PRC1: variants seen among roughly 807,000 people sequenced by gnomAD.
PRC1 encodes anaphase spindle elongation 1 homolog.
In PRC1, 54 loss-of-function variants were observed where a neutral mutation model predicts 91.2. The observed-to-expected ratio is 0.59, with a 90% CI of 0.48 to 0.74. PRC1 has a LOEUF of 0.74. Among genes scored for constraint, PRC1 ranks in the 30% least tolerant of loss-of-function variants. The pLI, the probability that PRC1 is intolerant of heterozygous loss-of-function variation, is 0.00. For synonymous variants in PRC1, 275 were observed against 263.6 expected (o/e 1.04, Z -0.42); for missense variants, 727 against 746.2 (o/e 0.97, Z 0.30).
Position 90,987,071 on chromosome 15 carries a change from T to C in PRC1, c.12-2246A>G, listed in dbSNP as rs115309859. Among the ~76,000 whole-genome samples the C allele has an allele frequency of 5.4e-3, 809 of 149,648 alleles. 9 individuals carry two copies. Among genetic ancestry groups the C allele is most frequent in the African/African-American group, 0.02 (791 of 40,464 alleles). On this transcript the variant is annotated intron_variant, in intron 1 of 14. Transcript: ENST00000394249. ...GGAAAACTGTTTGAGCCCAGGAGTT[T>C]CAGATCATTCTGGGCAACATAGTGA...
intron 6 of PRC1, among the ~76,000 whole-genome samples, 160 bp downstream of exon 6, chr15:90,980,724 T>C (rs2039126808): frequency 6.6e-6 from 1 of 152,024 alleles, no homozygotes; most frequent in Non-Finnish European, 1.5e-5. Flanking sequence ...CAGGCTGGTC[T>C]CGAACTCCTG....
Position 90,981,816 on chromosome 15 carries a change from C to T in PRC1, c.433G>A (p.Ala145Thr). The T allele has an allele frequency of 6.2e-7, 1 of 1,614,218 alleles. No homozygotes were observed. The highest frequency in any genetic ancestry group is 8.5e-7 in the Non-Finnish European group (1 of 1,180,022). ...AGCTCTTCTAAGCTGGGCACTGAGG[C>T]ACTGTCAATATCATAGTGGGGCATA... Reference protein sequence around the residue: ...LCMPHYDIDSASVPSLEELNQ... With the variant: ...LCMPHYDIDSTSVPSLEELNQ... The change falls in exon 4 of 15, where the codon GCC becomes ACC. Residue 145 changes from alanine (A) to threonine (T), a missense_variant. Physicochemically the swap from Ala to Thr is moderately conservative, Grantham distance 58. Coordinates refer to ENST00000394249, the MANE Select transcript of PRC1 (RefSeq NM_003981.4).
In PRC1 at chr15:90,980,409, T is replaced by TAAGGGC; in HGVS notation, c.823-21_823-20insGCCCTT. The TAAGGGC allele has an allele frequency of 6.2e-7, 1 of 1,610,014 alleles. No individual in the cohort carries two copies. Among genetic ancestry groups the TAAGGGC allele is most frequent in the Non-Finnish European group, 8.5e-7 (1 of 1,178,616 alleles). ...TTGCAGCTGAAAGAAAGAAACTTGTTAAGGGTGGCTGCCATAGTTTTATAT... is the reference window on the plus strand; with the variant it reads ...TTGCAGCTGAAAGAAAGAAACTTGTTAAGGGCAAGGGTGGCTGCCATAGTTTTATAT... On this transcript the variant is annotated intron_variant, in intron 6 of 14. Transcript: ENST00000394249.
Position 90,980,982 on chromosome 15 carries a change from G to C in PRC1, c.724C>G (p.Gln242Glu). Residue 242 changes from glutamine to glutamate, a missense_variant, in exon 6 of 15, where the codon CAA becomes GAA. Gln to Glu is a conservative substitution (Grantham distance 29, BLOSUM62 2). Coordinates refer to ENST00000394249, the MANE Select transcript of PRC1 (RefSeq NM_003981.4). ...NEAVCEGLRT[Q>E]IRELWDRLQI... The stretch of plus-strand genomic sequence containing the variant: ...AACCTGTCCCAGAGCTCTCGGATTT[G>C]AGTACGCAGCCCCTCACACACTGCT... 1 of 1,614,186 alleles carries C rather than the reference G, an allele frequency of 6.2e-7. No individual in the cohort carries two copies. Among genetic ancestry groups the C allele is most frequent in the Non-Finnish European group, 8.5e-7 (1 of 1,180,034 alleles).
chr15:90,968,560 T>C (rs1156829827), intron 14 of PRC1: 62 of 990,460 alleles, frequency 6.3e-5, no homozygotes, highest in Non-Finnish European at 7.3e-5. Flanking sequence ...AAAACTTGCT[T>C]CCAGTGCTTC....
Position 90,984,247 on chromosome 15 carries a change from G to C in PRC1, c.145-107C>G. The C allele has an allele frequency of 7.0e-7, 1 of 1,431,166 alleles. No individual in the cohort carries two copies. Among genetic ancestry groups the C allele is most frequent in the Non-Finnish European group, 9.5e-7 (1 of 1,058,144 alleles). 88.7% of individuals were successfully genotyped at this position (1,431,166 alleles called of 1,614,324 possible). On this transcript the variant is annotated intron_variant, in intron 2 of 14. Transcript: ENST00000394249. This position sits in a 1 kb window ranked among gnomAD's most constrained non-coding sequence, Gnocchi z 5.1. ...CTTTTTTCTTTTTCTTTTTTTCTTTGAGATGGAGTCTCGCTCTGTTGCCCA... is the reference window on the plus strand; with the variant it reads ...CTTTTTTCTTTTTCTTTTTTTCTTTCAGATGGAGTCTCGCTCTGTTGCCCA...
At position 90,976,669 on chromosome 15, in the gene PRC1, T is replaced by C. The variant is rs780816967; in HGVS notation, c.1203+7A>G. 1.3e-6 allele frequency: 2 copies of C among 1,597,838 alleles called. No homozygotes were observed. Among genetic ancestry groups the C allele is most frequent in the South Asian group, 2.2e-5 (2 of 90,338 alleles). On this transcript the variant is annotated splice_region_variant and intron_variant, in intron 9 of 14. Coordinates refer to ENST00000394249, the MANE Select transcript of PRC1 (RefSeq NM_003981.4). ...CAAGCATCAAAAACCCTTAGCAACA[T>C]TATTACCTTGGGCAGCATTTTCTGG...
intron 8 of PRC1, among the ~76,000 whole-genome samples, chr15:90,978,874 G>A (rs2038961006): frequency 6.6e-6 from 1 of 151,878 alleles, no homozygotes; most frequent in Admixed American, 6.6e-5. Flanking sequence ...AGAAGCCTGG[G>A]GTCCTGCTCA....
Position 90,979,241 on chromosome 15 carries a change from T to C in PRC1, c.1024A>G (p.Lys342Glu). Residue 342 changes from lysine (K) to glutamate (E), a missense_variant, in exon 8 of 15, where the codon AAA becomes GAA. Coordinates refer to ENST00000394249, the MANE Select transcript of PRC1 (RefSeq NM_003981.4). ...TCCTTGTGAACTTCATAGTAGTTTT[T>C]TAACCGCACAATCTCAGCATCGTGG... is the stretch of plus-strand genomic sequence containing the variant. The part of the protein sequence containing the change: ...QLHDAEIVRL[K>E]NYYEVHKELF... 6.2e-7 allele frequency: 1 copy of C among 1,614,240 alleles called. No homozygotes were observed. Among genetic ancestry groups the C allele is most frequent in the Non-Finnish European group, 8.5e-7 (1 of 1,180,028 alleles).
At chr15:90,991,135 T>A (rs1596334841) in intron 1 of PRC1, among the ~76,000 whole-genome samples, 1 of 149,740 alleles carries the variant, frequency 6.7e-6, no homozygotes. Flanking sequence ...ATTTTTACTA[T>A]GGCCGGGCGC....
At chr15:90,988,032 C>T in intron 1 of PRC1, 2 of 152,104 alleles carry the variant, frequency 1.3e-5, no homozygotes, top group East Asian at 3.9e-4. Context: ...ACTCCCTTCA[C>T]TTTAGAAATG....
chr15:90,990,818 A>G lies in PRC1; in HGVS notation c.11+3589T>C, dbSNP rs142848463. 1.7e-3 allele frequency among the ~76,000 whole-genome samples: 265 copies of G among 151,512 alleles called. 7 individuals are homozygous for G. In the East Asian group the frequency reaches 0.046, roughly 27 times the overall value. On this transcript the variant is annotated intron_variant, in intron 1 of 14. Transcript: ENST00000394249. ...TTTTGAGACAGAGTCTCAGTCTGGC[A>G]CCCAGGCCGGAGTGCAATGGTGTGA...
chr15:90,975,829 A>G lies in PRC1; in HGVS notation c.1203+847T>C, dbSNP rs967760995. ...CGAGACCCCATCTCTTGCGGGGGGA[A>G]AAAAGAAAGAATTAAGTTAAAATGA... is the stretch of plus-strand genomic sequence containing the variant. On this transcript the variant is annotated intron_variant, in intron 9 of 14. Transcript: ENST00000394249. Among the ~76,000 whole-genome samples, 5 of 152,096 alleles carry G rather than the reference A, an allele frequency of 3.3e-5. No homozygotes were observed. In the East Asian group the frequency reaches 5.8e-4, roughly 18 times the overall value.
chr15:90,994,506 TCACTCCGCGTAGC>T lies in PRC1; in HGVS notation c.-102_-90del. The T allele has an allele frequency of 2.0e-6, 3 of 1,478,776 alleles. No homozygotes were observed. The highest frequency in any genetic ancestry group is 2.7e-6 in the Non-Finnish European group (3 of 1,100,100). The allele number at this position is 1,478,776 out of a possible 1,614,324, so 91.6% of individuals were successfully genotyped here. On this transcript the variant is annotated 5_prime_UTR_variant, in exon 1 of 15. Coordinates refer to ENST00000394249, the MANE Select transcript of PRC1 (RefSeq NM_003981.4). ...CAACCACCCGCAAACACCGGCGATG[TCACTCCGCGTAGC>T]CGCTCCGCGAGCCGTTGAGCCCCGC... is the stretch of plus-strand genomic sequence containing the variant.
rs775786949 is a variant in PRC1, at chr15:90,976,749, C to T, written c.1130G>A (p.Arg377Gln). 1 of 1,613,190 alleles carries T rather than the reference C, an allele frequency of 6.2e-7. No individual in the cohort carries two copies. Reference sequence around the variant, plus strand: ...AAGATTTCCTCCTCGGTTTGTAAATCGATTTGGATCTGAAGCTTTTCTCTG... The same window carrying T: ...AAGATTTCCTCCTCGGTTTGTAAATTGATTTGGATCTGAAGCTTTTCTCTG... The part of the protein sequence containing the change: ...EFERKASDPN[R>Q]FTNRGGNLLK... The change falls in exon 9 of 15, where the codon CGA (arginine) becomes CAA (glutamine). Residue 377 changes from arginine to glutamine, a missense_variant. Coordinates refer to ENST00000394249, the MANE Select transcript of PRC1 (RefSeq NM_003981.4).
rs954718254 is a variant in PRC1 at position 90,966,206 on chromosome 15, A to C, written c.*925T>G. ...TGTTGACAGTAGTACTGCTGCAGGC[A>C]GACAGCGGAAGAATAAATAATAGTG... On this transcript the variant is annotated 3_prime_UTR_variant, in exon 15 of 15. Transcript: ENST00000394249. The C allele has an allele frequency of 5.1e-6, 1 of 194,940 alleles. No individual in the cohort carries two copies. Among genetic ancestry groups the C allele is most frequent in the African/African-American group, 2.3e-5 (1 of 42,964 alleles). The allele number at this position is 194,940 out of a possible 1,614,324, so 12.1% of individuals were successfully genotyped here. A position where few individuals can be genotyped will look rare whatever the true frequency, so the allele number is the denominator to read the frequency against.
chr15:90,994,320 C>CACGGGTCCCGCACCCCTGA (rs1307490470), intron 1 of PRC1, 87 bp downstream of exon 1: 1 of 1,588,880 alleles, frequency 6.3e-7, no homozygotes, highest in East Asian at 2.3e-5. Context: ...CGGGACCCCG[C>CACGGGTCCCGCACCCCTGA]ACGGGTCCCG....
At chr15:90,980,673 C>T (rs28713647) in intron 6 of PRC1, 2 of 718,196 alleles carry the variant, frequency 2.8e-6, no homozygotes, top group African/African-American at 1.8e-5. Flanking sequence ...GCGCACGCCA[C>T]TACCACCTGG....
intron 7 of PRC1, 26 bp downstream of exon 7, chr15:90,980,216 A>T: frequency 6.4e-7 from 1 of 1,567,320 alleles, no homozygotes; most frequent in South Asian, 1.2e-5. Context: ...AAACAAACAA[A>T]CCAAAGACCT....
Sources: gnomAD v4.1 joint callset for allele counts (sites outside exome capture counted in the v4.1 genomes callset) on GRCh38, gnomAD v4.1.1 for gene constraint, Gnocchi (gnomAD v3.1) non-coding constraint, MANE v1.5 for transcripts, NCBI Gene and HGNC (gene_info 2026-07-23, HGNC 2026-07-21) for gene names.